Variants in MAP4K3 observed in about 807,000 individuals in gnomAD.
MAP4K3 encodes the protein MAPK/ERK kinase kinase kinase 3.
A neutral mutation model predicts 143.5 loss-of-function variants in MAP4K3; 94 were observed. The ratio of observed to expected loss-of-function variants is 0.65; its 90% CI spans 0.55 to 0.78. The LOEUF (loss-of-function observed/expected upper bound fraction) is 0.78, where lower values mean the gene tolerates loss of function less well. Ranked by LOEUF, MAP4K3 falls within the 30% of genes least tolerant of loss-of-function variation. The pLI is 0.00. For missense variants in MAP4K3, 1,077 were observed against 1,068.1 expected (o/e 1.01, Z -0.12); for synonymous variants, 416 against 347.2 (o/e 1.20, Z -2.20).
rs549718881 is a variant in MAP4K3 at position 39,344,474 on chromosome 2, T to C, written c.246-1022A>G. ...AAATTCAAATTTTAGTGCCAATAAA[T>C]AGTTTCATTGGAACACAGTCATACT... On this transcript the variant is annotated intron_variant, in intron 3 of 33. Transcript: ENST00000263881. Among the ~76,000 whole-genome samples, 16 of 152,356 alleles carry C rather than the reference T, an allele frequency of 1.1e-4. No homozygotes were observed. In the East Asian group the frequency reaches 2.9e-3, roughly 28 times the overall value.
chr2:39,349,422 T>C (rs1417868642), intron 3 of MAP4K3, among the ~76,000 whole-genome samples: 1 of 152,168 alleles, frequency 6.6e-6, no homozygotes, highest in Admixed American at 6.5e-5. Context: ...TTATACCTAA[T>C]AATCCCCCAG....
At chr2:39,261,591 A>T (rs2148441296) in intron 28 of MAP4K3, among the ~76,000 whole-genome samples, 1 of 152,306 alleles carries the variant, frequency 6.6e-6, no homozygotes, top group South Asian at 2.1e-4. Context: ...TTAATGCTGG[A>T]AGTAGGCATT....
At chr2:39,373,008 T>A (rs909038377) in intron 2 of MAP4K3, among the ~76,000 whole-genome samples, 1 of 152,002 alleles carries the variant, frequency 6.6e-6, no homozygotes, top group South Asian at 2.1e-4. Context: ...GACAACCCCA[T>A]GAATGGCAGA....
chr2:39,352,163 C>T (rs768298116), intron 3 of MAP4K3, among the ~76,000 whole-genome samples: 8 of 151,962 alleles, frequency 5.3e-5, no homozygotes, highest in Admixed American at 1.3e-4. Context: ...TGGTAGCGTG[C>T]GCCCGTAATC....
At chr2:39,351,343 C>T (rs1054019672) in intron 3 of MAP4K3, among the ~76,000 whole-genome samples, 5 of 152,202 alleles carry the variant, frequency 3.3e-5, no homozygotes, top group African/African-American at 1.2e-4. Flanking sequence ...TTACATCATT[C>T]ACAGAGCTTT....
intron 1 of MAP4K3, among the ~76,000 whole-genome samples, chr2:39,403,240 A>G (rs1666997687): frequency 6.6e-6 from 1 of 152,198 alleles, no homozygotes; most frequent in Non-Finnish European, 1.5e-5. Flanking sequence ...CACCAAATTT[A>G]GCAACTATCT....
intron 1 of MAP4K3, among the ~76,000 whole-genome samples, chr2:39,434,476 C>A (rs1439815234): frequency 1.3e-5 from 2 of 152,168 alleles, no homozygotes; most frequent in Admixed American, 6.5e-5. Flanking sequence ...TGGCAGACTA[C>A]ATAAACAGTG....
intron 29 of MAP4K3, among the ~76,000 whole-genome samples, chr2:39,259,038 G>T (rs1188358492): frequency 4.8e-5 from 7 of 147,366 alleles, no homozygotes; most frequent in Admixed American, 1.4e-4. Flanking sequence ...TGCTGCTCAG[G>T]CCGAAATGCT....
In MAP4K3 at chr2:39,286,845, T is replaced by C. The variant is rs1490957775; in HGVS notation, c.1587+7A>G. On this transcript the variant is annotated splice_region_variant and intron_variant, in intron 21 of 33. Coordinates refer to ENST00000263881, the MANE Select transcript of MAP4K3 (RefSeq NM_003618.4). ...TACAAGTAGAACTTATGACTATCAATACCTACTGGTACATCTTTCTTTTCT... is the reference window on the plus strand; with the variant it reads ...TACAAGTAGAACTTATGACTATCAACACCTACTGGTACATCTTTCTTTTCT... 6.4e-7 allele frequency: 1 copy of C among 1,567,596 alleles called. No homozygotes were observed. Among genetic ancestry groups the C allele is most frequent in the African/African-American group, 1.4e-5 (1 of 73,944 alleles).
chr2:39,273,008 G>C (rs1345088049), intron 24 of MAP4K3, among the ~76,000 whole-genome samples: 2 of 151,144 alleles, frequency 1.3e-5, no homozygotes, highest in Admixed American at 6.6e-5. Context: ...TAGGTATGGA[G>C]GGAAAAAAAA....
At chr2:39,384,528 A>C (rs1459297887) in intron 1 of MAP4K3, among the ~76,000 whole-genome samples, 2 of 152,234 alleles carry the variant, frequency 1.3e-5, no homozygotes, top group Admixed American at 6.5e-5. Context: ...CCTGGGTAAC[A>C]AGAGCAAAAC....
At chr2:39,258,074 G>A (rs1680417438) in intron 31 of MAP4K3, among the ~76,000 whole-genome samples, 1 of 152,024 alleles carries the variant, frequency 6.6e-6, no homozygotes, top group Non-Finnish European at 1.5e-5. Flanking sequence ...TCGGACTACA[G>A]GCGTGTGCCA....
chr2:39,325,714 A>G lies in MAP4K3; in HGVS notation c.807+16T>C. 1.3e-6 allele frequency: 2 copies of G among 1,588,610 alleles called. No homozygotes were observed. The highest frequency in any genetic ancestry group is 1.7e-6 in the Non-Finnish European group (2 of 1,162,888). On this transcript the variant is annotated intron_variant, in intron 11 of 33. Transcript: ENST00000263881. ...CTTTTGAAATATATATATATATTTC[A>G]GGGCAAAAATAATACCTGTAATAAT...
At chr2:39,371,335 T>TA (rs1250435354) in intron 2 of MAP4K3, among the ~76,000 whole-genome samples, 4 of 152,170 alleles carry the variant, frequency 2.6e-5, no homozygotes, top group African/African-American at 9.7e-5. Flanking sequence ...TCTTTGTCCT[T>TA]ATAAGCAACA....
chr2:39,287,993 C>T, intron 20 of MAP4K3, 128 bp downstream of exon 20: 1 of 1,108,152 alleles, frequency 9.0e-7, no homozygotes, highest in Non-Finnish European at 1.3e-6. Flanking sequence ...CAGAAAACAT[C>T]TCCATAGCCA....
intron 2 of MAP4K3, among the ~76,000 whole-genome samples, chr2:39,363,397 G>C (rs905391235): frequency 2.2e-5 from 3 of 133,554 alleles, no homozygotes; most frequent in Non-Finnish European, 4.4e-5. Context: ...GCTCGGCGCA[G>C]TGGCTCATGC....
intron 21 of MAP4K3, among the ~76,000 whole-genome samples, chr2:39,285,366 G>C (rs1004326532): frequency 6.6e-6 from 1 of 152,044 alleles, no homozygotes; most frequent in Non-Finnish European, 1.5e-5. Flanking sequence ...TGTTTACTTA[G>C]TACCATTGGA....
intron 6 of MAP4K3, among the ~76,000 whole-genome samples, chr2:39,334,112 C>A (rs963044709): frequency 2.6e-5 from 4 of 151,970 alleles, no homozygotes; most frequent in African/African-American, 9.7e-5. Flanking sequence ...ATGTGCCTTA[C>A]CAAGTGCTTA....
intron 15 of MAP4K3, chr2:39,303,025 T>C (rs941433453): frequency 6.0e-6 from 1 of 167,052 alleles, no homozygotes; most frequent in Non-Finnish European, 1.5e-5. Flanking sequence ...ACCAAAAACA[T>C]CTTATTGTAG....
Sources: allele counts gnomAD v4.1 joint callset (sites outside exome capture counted in the v4.1 genomes callset), GRCh38; gene constraint gnomAD v4.1.1; transcripts MANE v1.5; gene names NCBI Gene and HGNC (gene_info 2026-07-23, HGNC 2026-07-21).